Variants in DLG2 observed in about 807,000 individuals in gnomAD.
The protein encoded by DLG2 is disks large homolog 2.
A neutral mutation model predicts 132.5 loss-of-function variants in DLG2; 45 were observed. The ratio of observed to expected loss-of-function variants is 0.34; its 90% CI spans 0.27 to 0.44. DLG2 has a LOEUF of 0.44. Ranked by LOEUF, DLG2 falls within the 20% of genes least tolerant of loss-of-function variation. The pLI is 1.00. For synonymous variants in DLG2, 424 were observed against 419.6 expected (o/e 1.01, Z -0.13); for missense variants, 1,045 against 1,196.9 (o/e 0.87, Z 1.87).
chr11:83,838,511 C>T (rs1003736077), intron 16 of DLG2, among the ~76,000 whole-genome samples: 10 of 152,130 alleles, frequency 6.6e-5, no homozygotes, highest in South Asian at 4.1e-4. Context: ...GTCTAGAATA[C>T]GGTATATACC....
rs1399820348 is a variant in DLG2 at position 83,455,705 on chromosome 11, A to C, written c.*4113T>G. On this transcript the variant is annotated 3_prime_UTR_variant, in exon 28 of 28. Coordinates refer to ENST00000376104, the MANE Select transcript of DLG2 (RefSeq NM_001142699.3). ...TTCCAACCACAGTCATTCATACTCA[A>C]TGTAACGTGTGTACATGGTATACAT... 1 of 152,200 alleles carries C rather than the reference A, an allele frequency of 6.6e-6. No individual in the cohort carries two copies. Among genetic ancestry groups the C allele is most frequent in the East Asian group, 1.9e-4 (1 of 5,184 alleles). 9.4% of individuals were successfully genotyped at this position (152,200 alleles called of 1,614,324 possible).
intron 15 of DLG2, among the ~76,000 whole-genome samples, chr11:83,877,104 CA>C (rs2064967186): frequency 6.6e-6 from 1 of 152,004 alleles, no homozygotes; most frequent in South Asian, 2.1e-4. Context: ...AATTACTTTT[CA>C]AAAGCTTTGT....
chr11:84,466,380 G>T (rs2099094407), intron 7 of DLG2, among the ~76,000 whole-genome samples: 1 of 151,216 alleles, frequency 6.6e-6, no homozygotes, highest in African/African-American at 2.4e-5. Flanking sequence ...TGTATTTGCA[G>T]CTTATATCAC....
rs564542548 is a variant in DLG2 at position 84,866,303 on chromosome 11, A to C, written c.357+245358T>G. Among the ~76,000 whole-genome samples, 44 of 152,154 alleles carry C rather than the reference A, an allele frequency of 2.9e-4. 1 individual carries two copies. Among genetic ancestry groups the C allele is most frequent in the African/African-American group, 6.3e-4 (26 of 41,450 alleles). ...AACCATTAAAAACAACAACAACAAC[A>C]ACCACAAAAACCACAACCCACAAAC... On this transcript the variant is annotated intron_variant, in intron 6 of 27. Transcript: ENST00000376104.
chr11:83,494,285 T>C (rs539810200), intron 21 of DLG2, among the ~76,000 whole-genome samples: 113 of 151,376 alleles, frequency 7.5e-4, no homozygotes, highest in African/African-American at 2.7e-3. Flanking sequence ...AAAAACAGTA[T>C]TGAATAGAAG....
chr11:84,273,212 A>G (rs1449670690), intron 7 of DLG2: 10 of 1,575,176 alleles, frequency 6.3e-6, no homozygotes, highest in Non-Finnish European at 7.8e-6. Context: ...AGTATCCCAC[A>G]AAAGCTGATA....
chr11:84,544,877 A>T (rs1262297266), intron 6 of DLG2, among the ~76,000 whole-genome samples: 2 of 152,206 alleles, frequency 1.3e-5, no homozygotes, highest in Non-Finnish European at 2.9e-5. Context: ...TGAATTTTTC[A>T]CACAGCAAAA....
chr11:83,928,998 G>T (rs987347711), intron 15 of DLG2, among the ~76,000 whole-genome samples: 1 of 152,052 alleles, frequency 6.6e-6, no homozygotes, highest in African/African-American at 2.4e-5. Context: ...TAGTTTTAAT[G>T]ATTTGTTAAA....
At chr11:85,037,806 TA>T (rs745841918) in intron 6 of DLG2, among the ~76,000 whole-genome samples, 4 of 152,164 alleles carry the variant, frequency 2.6e-5, no homozygotes, top group Admixed American at 6.5e-5. Flanking sequence ...GTTTCTAAAA[TA>T]AGACACATTT....
intron 6 of DLG2, among the ~76,000 whole-genome samples, chr11:84,773,364 C>A (rs947360963): frequency 2.6e-5 from 4 of 152,126 alleles, no homozygotes; most frequent in African/African-American, 9.7e-5. Context: ...ACAACTAGCA[C>A]AATTCTACTG....
chr11:83,876,683 G>A (rs1169908395), intron 15 of DLG2, among the ~76,000 whole-genome samples: 1 of 147,080 alleles, frequency 6.8e-6, no homozygotes, highest in Non-Finnish European at 1.5e-5. Flanking sequence ...GAAATCAACA[G>A]CTTGCAAATG....
chr11:85,015,571 T>A (rs1204221219), intron 6 of DLG2, among the ~76,000 whole-genome samples: 1 of 152,132 alleles, frequency 6.6e-6, no homozygotes, highest in Non-Finnish European at 1.5e-5. Context: ...TATAAGATGA[T>A]GCCTTAAATT....
intron 6 of DLG2, among the ~76,000 whole-genome samples, chr11:84,767,764 A>G (rs1246671511): frequency 2.6e-5 from 4 of 152,086 alleles, no homozygotes; most frequent in African/African-American, 4.8e-5. Flanking sequence ...TATTATCTGC[A>G]TAATAGCTGT....
intron 6 of DLG2, among the ~76,000 whole-genome samples, chr11:85,006,734 T>A (rs774383568): frequency 6.6e-6 from 1 of 152,134 alleles, no homozygotes; most frequent in Non-Finnish European, 1.5e-5. Flanking sequence ...CTCCTTCAGT[T>A]CTGCTCTGAT....
chr11:84,196,248 C>T (rs2096514725), intron 8 of DLG2, among the ~76,000 whole-genome samples: 1 of 152,094 alleles, frequency 6.6e-6, no homozygotes, highest in African/African-American at 2.4e-5. Flanking sequence ...AACATGGTCC[C>T]CTTTGCTATC....
At chr11:85,428,157 G>C (rs1240234461) in intron 3 of DLG2, among the ~76,000 whole-genome samples, 1 of 152,188 alleles carries the variant, frequency 6.6e-6, no homozygotes, top group Non-Finnish European at 1.5e-5. Context: ...AAGAGACTTA[G>C]ACTCCCACAC....
intron 3 of DLG2, among the ~76,000 whole-genome samples, chr11:85,385,882 A>G (rs1039199740): frequency 6.6e-6 from 1 of 152,190 alleles, no homozygotes; most frequent in Admixed American, 6.5e-5. Context: ...ACAATAAACA[A>G]TGCACCTCTA....
chr11:84,433,346 T>C (rs1254017311), intron 7 of DLG2, among the ~76,000 whole-genome samples: 2 of 152,216 alleles, frequency 1.3e-5, no homozygotes, highest in Non-Finnish European at 2.9e-5. Context: ...CAATTTATCT[T>C]AAAGATTCTT....
chr11:84,883,368 T>G lies in DLG2; in HGVS notation c.357+228293A>C, dbSNP rs148962409. 5.2e-3 allele frequency among the ~76,000 whole-genome samples: 784 copies of G among 152,010 alleles called. 11 individuals are homozygous for G. The highest frequency in any genetic ancestry group is 0.018 in the African/African-American group (744 of 41,470). On this transcript the variant is annotated intron_variant, in intron 6 of 27. Coordinates refer to ENST00000376104, the MANE Select transcript of DLG2 (RefSeq NM_001142699.3). ...ACAAATACCTAATGTATGCGGGGCTTAAAACCTAGATGACGGGTTGATAGG... is the reference window on the plus strand; with the variant it reads ...ACAAATACCTAATGTATGCGGGGCTGAAAACCTAGATGACGGGTTGATAGG...
Sources: gnomAD v4.1 joint callset for allele counts (sites outside exome capture counted in the v4.1 genomes callset) on GRCh38, gnomAD v4.1.1 for gene constraint, MANE v1.5 for transcripts, NCBI Gene and HGNC (gene_info 2026-07-23, HGNC 2026-07-21) for gene names.